KRABD4: variants seen among roughly 807,000 people sequenced by gnomAD.
KRABD4 encodes KRAB domain-containing protein 4.
the KRABD4 span, chrX:46,457,082 A>AT: frequency 2.6e-6 from 1 of 383,141 alleles, no homozygotes. Flanking sequence ...TCCGTGGCGC[A>AT]TTTTTCTGTT....
the KRABD4 span, among the ~76,000 whole-genome samples, chrX:46,460,378 T>C: frequency 6.6e-5 from 7 of 106,569 alleles, no homozygotes; most frequent in Non-Finnish European, 1.4e-4. Context: ...GACCACATCA[T>C]TGCACTCCAG....
At chrX:46,455,853 A>G in the KRABD4 span, 1 of 336,170 alleles carries the variant, frequency 3.0e-6, no homozygotes, top group Non-Finnish European at 5.5e-6. Context: ...GTAGACCTTG[A>G]GTCAAATCAG....
At chrX:46,449,341 G>T in the KRABD4 span, among the ~76,000 whole-genome samples, 1 of 111,514 alleles carries the variant, frequency 9.0e-6, no homozygotes, top group African/African-American at 3.3e-5. Flanking sequence ...AGCCCCTGTT[G>T]GGCTCCTTCC....
chrX:46,462,012 G>C, the KRABD4 span, among the ~76,000 whole-genome samples: 2 of 111,429 alleles, frequency 1.8e-5, no homozygotes, highest in African/African-American at 3.3e-5. Context: ...CAAGAGGTGT[G>C]GTTTTGTATC....
the KRABD4 span, among the ~76,000 whole-genome samples, chrX:46,459,571 A>G: frequency 9.0e-6 from 1 of 111,622 alleles, no homozygotes. Context: ...CCCTCCATAA[A>G]TGCCTAGCCA....
chrX:46,456,881 G>A, the KRABD4 span: 4,300 of 368,072 alleles, frequency 0.012, 140 homozygotes, highest in African/African-American at 0.1. Flanking sequence ...TATCCAACTT[G>A]TGAAGTAAGT....
chrX:46,462,151 G>C, the KRABD4 span, among the ~76,000 whole-genome samples: 1 of 111,924 alleles, frequency 8.9e-6, no homozygotes, highest in Non-Finnish European at 1.9e-5. Flanking sequence ...AATGATTTTA[G>C]TCATATAGAT....
At chrX:46,461,780 A>G in the KRABD4 span, among the ~76,000 whole-genome samples, 5 of 111,347 alleles carry the variant, frequency 4.5e-5, no homozygotes, top group African/African-American at 1.6e-4. Context: ...TTGATTAGCT[A>G]TGTTTAGAAC....
At chrX:46,472,597 G>T in the KRABD4 span, 2 of 511,512 alleles carry the variant, frequency 3.9e-6, no homozygotes, top group African/African-American at 4.7e-5. Flanking sequence ...CTCAGGGGAG[G>T]TGGTGGTGGT....
At chrX:46,469,378 T>G in the KRABD4 span, among the ~76,000 whole-genome samples, 1 of 112,508 alleles carries the variant, frequency 8.9e-6, no homozygotes, top group East Asian at 2.8e-4. Context: ...TTGATAGTTT[T>G]GAATGGATAG....
At chrX:46,462,568 G>T in the KRABD4 span, 1 of 752,432 alleles carries the variant, frequency 1.3e-6, no homozygotes, top group Non-Finnish European at 1.9e-6. Flanking sequence ...GTGTGGATTC[G>T]ACTCCCCTCA....
chrX:46,461,967 T>C, the KRABD4 span, among the ~76,000 whole-genome samples: 3 of 110,779 alleles, frequency 2.7e-5, no homozygotes, highest in Non-Finnish European at 5.7e-5. Flanking sequence ...TAAGTGTCAC[T>C]TTTCTCCCTC....
chrX:46,457,827 C>CT, the KRABD4 span, among the ~76,000 whole-genome samples: 1 of 110,009 alleles, frequency 9.1e-6, no homozygotes, highest in Non-Finnish European at 1.9e-5. Flanking sequence ...ACCGCAACCT[C>CT]CACTTCTCGG....
the KRABD4 span, among the ~76,000 whole-genome samples, chrX:46,470,926 A>G: frequency 9.0e-6 from 1 of 111,428 alleles, no homozygotes; most frequent in African/African-American, 3.3e-5. Flanking sequence ...AATATGTTCT[A>G]TCTTGGTGAA....
the KRABD4 span, chrX:46,463,353 T>C: frequency 9.0e-7 from 1 of 1,112,966 alleles, no homozygotes; most frequent in Non-Finnish European, 1.2e-6. Flanking sequence ...TGGTGAGAGC[T>C]TGGCCTCTGG....
chrX:46,447,803 CTTTT>C, the KRABD4 span, among the ~76,000 whole-genome samples: 1 of 111,516 alleles, frequency 9.0e-6, no homozygotes, highest in African/African-American at 3.3e-5. Context: ...CCCGAGGAAT[CTTTT>C]TTTTCTTTTC....
At chrX:46,449,707 T>A in the KRABD4 span, among the ~76,000 whole-genome samples, 2 of 112,572 alleles carry the variant, frequency 1.8e-5, no homozygotes, top group Non-Finnish European at 3.7e-5. Context: ...TGCTTTTGCA[T>A]GTGTCATATT....
the KRABD4 span, chrX:46,471,067 C>T: frequency 5.5e-6 from 6 of 1,089,240 alleles, no homozygotes; most frequent in Admixed American, 2.7e-5. Flanking sequence ...TTTCTGTCTA[C>T]TTGTTCTATC....
chrX:46,455,769 G>A, the KRABD4 span: 1 of 379,622 alleles, frequency 2.6e-6, no homozygotes, highest in Non-Finnish European at 4.8e-6. Context: ...GTACTGACTG[G>A]TGCTGAGTTT....
Sources: gnomAD v4.1 joint callset for allele counts (sites outside exome capture counted in the v4.1 genomes callset) on GRCh38, gnomAD v4.1.1 for gene constraint, MANE v1.5 for transcripts, NCBI Gene and HGNC (gene_info 2026-07-23, HGNC 2026-07-21) for gene names.